Variants in ICA1 observed in about 807,000 individuals in gnomAD.
ICA1 encodes islet cell autoantigen 1, also known as 69 kDa islet cell autoantigen.
In ICA1, 40 loss-of-function variants were observed where a neutral mutation model predicts 71.0. The observed-to-expected ratio is 0.56, with a 90% CI of 0.44 to 0.73. The LOEUF is 0.73. ICA1 is among the 30% of genes least tolerant of loss of function. The probability of loss-of-function intolerance (pLI) is 0.00; values close to 1 mark genes in which losing one functional copy is unlikely to be tolerated. For synonymous variants in ICA1, 207 were observed against 209.5 expected (o/e 0.99, Z 0.10); for missense variants, 578 against 576.5 (o/e 1.00, Z -0.03).
At position 8,234,327 on chromosome 7, in the gene ICA1, T is replaced by C. The variant is rs1801176298; in HGVS notation, c.18-1572A>G. ...CCCCAAATATGGCTGGAAAGTTTGC[T>C]GATGGAGTTCCATCCCTCCCCTTGC... On this transcript the variant is annotated intron_variant, in intron 2 of 13. Coordinates refer to ENST00000402384, the MANE Select transcript of ICA1 (RefSeq NM_001136020.3). This position sits in a 1 kb window ranked among gnomAD's most constrained non-coding sequence, Gnocchi z 4.5. 6.6e-6 allele frequency among the ~76,000 whole-genome samples: 1 copy of C among 152,236 alleles called. No homozygotes were observed. The highest frequency in any genetic ancestry group is 2.4e-5 in the African/African-American group (1 of 41,470).
At chr7:8,244,050 A>T (rs1275770097) in intron 1 of ICA1, among the ~76,000 whole-genome samples, 1 of 152,202 alleles carries the variant, frequency 6.6e-6, no homozygotes, top group African/African-American at 2.4e-5. Context: ...AGAATTGGAA[A>T]AAAACTACTT....
At chr7:8,139,874 G>A (rs1794635891) in intron 10 of ICA1, among the ~76,000 whole-genome samples, 1 of 152,154 alleles carries the variant, frequency 6.6e-6, no homozygotes, top group Non-Finnish European at 1.5e-5. Context: ...TAATAGAACA[G>A]CCTTAAAACT....
At chr7:8,194,752 C>T (rs889451174) in intron 6 of ICA1, among the ~76,000 whole-genome samples, 6 of 152,000 alleles carry the variant, frequency 3.9e-5, no homozygotes, top group South Asian at 2.1e-4. Context: ...GGGCTATTGT[C>T]GTCACTTTTT....
At position 8,228,647 on chromosome 7, in the gene ICA1, A is replaced by G. The variant is rs1424696266; in HGVS notation, c.210T>C (p.Cys70=). ...LELFHSIQRT[C]LDLSKAIVLY... ...GTACAATTGCTTTCGATAAGTCCAGACAGGTTCTCTGAATTGAATGAAACA... is the reference window on the plus strand; with the variant it reads ...GTACAATTGCTTTCGATAAGTCCAGGCAGGTTCTCTGAATTGAATGAAACA... Residue 70 remains cysteine, a synonymous_variant, in exon 4 of 14, where the codon TGT becomes TGC. Coordinates refer to ENST00000402384, the MANE Select transcript of ICA1 (RefSeq NM_001136020.3). 3 of 1,601,490 alleles carry G rather than the reference A, an allele frequency of 1.9e-6. No individual in the cohort carries two copies. The highest frequency in any genetic ancestry group is 2.6e-6 in the Non-Finnish European group (3 of 1,173,834).
chr7:8,191,948 T>C (rs1300487160), intron 6 of ICA1, among the ~76,000 whole-genome samples: 8 of 152,118 alleles, frequency 5.3e-5, no homozygotes, highest in Admixed American at 5.2e-4. Flanking sequence ...ATTCCCAAAA[T>C]GTTAATTCAC....
At chr7:8,156,804 C>G in intron 8 of ICA1, 1 of 1,469,028 alleles carries the variant, frequency 6.8e-7, no homozygotes, top group South Asian at 1.5e-5. Context: ...TTTAAAGGAG[C>G]AGGACCAATC....
At chr7:8,213,178 A>C (rs1462821409) in intron 6 of ICA1, among the ~76,000 whole-genome samples, 1 of 152,248 alleles carries the variant, frequency 6.6e-6, no homozygotes, top group African/African-American at 2.4e-5. Context: ...AAATACATTT[A>C]AGAGAGCATT....
chr7:8,222,553 T>C lies in ICA1; in HGVS notation c.257-1155A>G, dbSNP rs944412490. ...GACATAATCTCACTAACAATAATTG[T>C]AGGACATTAGGCAGGAACCACAAAT... is the stretch of plus-strand genomic sequence containing the variant. On this transcript the variant is annotated intron_variant, in intron 4 of 13. Transcript: ENST00000402384. The surrounding 1 kb of genome is among the most constrained non-coding windows in gnomAD (Gnocchi z 4.8). Among the ~76,000 whole-genome samples, 3 of 152,204 alleles carry C rather than the reference T, an allele frequency of 2.0e-5. No individual in the cohort carries two copies. The highest frequency in any genetic ancestry group is 2.0e-4 in the Admixed American group (3 of 15,276).
chr7:8,133,188 C>T (rs964386267), intron 12 of ICA1, among the ~76,000 whole-genome samples: 2 of 152,190 alleles, frequency 1.3e-5, no homozygotes, highest in African/African-American at 2.4e-5. Context: ...ATGTGATGCC[C>T]TAAGCCGCCT....
At position 8,134,020 on chromosome 7, in the gene ICA1, C is replaced by T. The variant is rs115516767; in HGVS notation, c.1060+4820G>A. Among the ~76,000 whole-genome samples, 995 of 152,184 alleles carry T rather than the reference C, an allele frequency of 6.5e-3. 9 individuals are homozygous for T. Among genetic ancestry groups the T allele is most frequent in the African/African-American group, 0.023 (935 of 41,494 alleles). On this transcript the variant is annotated intron_variant, in intron 12 of 13. Coordinates refer to ENST00000402384, the MANE Select transcript of ICA1 (RefSeq NM_001136020.3). The stretch of plus-strand genomic sequence containing the variant: ...AACTCACAGTCAAGGTGTTTTCTCA[C>T]TGTAGCACTCTGCTTTTACTTCAGA...
At chr7:8,161,472 T>C (rs987162930) in intron 6 of ICA1, among the ~76,000 whole-genome samples, 1 of 152,260 alleles carries the variant, frequency 6.6e-6, no homozygotes, top group Admixed American at 6.5e-5. Context: ...AGTGTTCTCC[T>C]ACTCTGACTC....
intron 13 of ICA1, among the ~76,000 whole-genome samples, chr7:8,120,185 T>C (rs1206727741): frequency 6.6e-6 from 1 of 152,206 alleles, no homozygotes; most frequent in Non-Finnish European, 1.5e-5. Context: ...TTCCCCGTAG[T>C]GTGAGGCAGA....
intron 6 of ICA1, among the ~76,000 whole-genome samples, chr7:8,193,035 G>A (rs1786237125): frequency 6.6e-6 from 1 of 152,164 alleles, no homozygotes; most frequent in Non-Finnish European, 1.5e-5. Flanking sequence ...TTTTAGTGGA[G>A]GGTATGTAGA....
intron 12 of ICA1, among the ~76,000 whole-genome samples, chr7:8,134,588 G>A (rs1030622523): frequency 2.0e-5 from 3 of 152,116 alleles, no homozygotes; most frequent in Admixed American, 6.5e-5. Flanking sequence ...AAGGCCACAC[G>A]CTTGCAGTAC....
At chr7:8,189,204 C>G (rs773605627) in intron 6 of ICA1, among the ~76,000 whole-genome samples, 1 of 152,190 alleles carries the variant, frequency 6.6e-6, no homozygotes, top group Non-Finnish European at 1.5e-5. Context: ...GTATTCCCAC[C>G]AAGCCCAGAG....
At chr7:8,152,569 C>T (rs1433855156) in intron 8 of ICA1, among the ~76,000 whole-genome samples, 29 of 150,498 alleles carry the variant, frequency 1.9e-4, no homozygotes, top group African/African-American at 5.3e-4. Flanking sequence ...ACCACCACCA[C>T]CACCACCATC....
chr7:8,128,673 C>T (rs1790267642), intron 12 of ICA1, among the ~76,000 whole-genome samples: 1 of 152,164 alleles, frequency 6.6e-6, no homozygotes, highest in Non-Finnish European at 1.5e-5. Flanking sequence ...CCAAGAGAGG[C>T]ATCCTTACTT....
At chr7:8,165,177 C>A (rs1263014339) in intron 6 of ICA1, among the ~76,000 whole-genome samples, 1 of 152,188 alleles carries the variant, frequency 6.6e-6, no homozygotes, top group East Asian at 1.9e-4. Flanking sequence ...GAACCAAGAC[C>A]TCTCGAGGGC....
At chr7:8,257,046 T>C (rs1191224844) in intron 1 of ICA1, among the ~76,000 whole-genome samples, 1 of 152,216 alleles carries the variant, frequency 6.6e-6, no homozygotes, top group Admixed American at 6.5e-5. Flanking sequence ...ACTACTCTGC[T>C]CTACTCTTGG....
Sources: allele counts gnomAD v4.1 joint callset (sites outside exome capture counted in the v4.1 genomes callset), GRCh38; gene constraint gnomAD v4.1.1; non-coding constraint Gnocchi (gnomAD v3.1); transcripts MANE v1.5; gene names NCBI Gene and HGNC (gene_info 2026-07-23, HGNC 2026-07-21).